Variants in FAM221A observed in about 807,000 individuals in gnomAD.
The protein encoded by FAM221A is family with sequence similarity 221 member A, also known as protein FAM221A.
Under a neutral mutation model 37.6 loss-of-function variants are expected in FAM221A, and 43 were observed. The ratio of observed to expected loss-of-function variants is 1.15; its 90% CI spans 0.90 to 1.48. The LOEUF (loss-of-function observed/expected upper bound fraction) is 1.48, where lower values mean the gene tolerates loss of function less well. Among genes scored for constraint, FAM221A ranks in the 40% most tolerant of loss-of-function variants. FAM221A has a pLI of 0.00. For missense variants in FAM221A, 361 were observed against 361.5 expected (o/e 1.00, Z 0.01); for synonymous variants, 135 against 132.9 (o/e 1.02, Z -0.11).
At chr7:23,684,783 T>C in intron 2 of FAM221A, 111 bp downstream of exon 2, 1 of 1,011,050 alleles carries the variant, frequency 9.9e-7, no homozygotes, top group Non-Finnish European at 1.4e-6. Context: ...GTCCTTTATA[T>C]AGTAGAGTAG....
At chr7:23,690,270 T>G (rs919587704) in intron 3 of FAM221A, among the ~76,000 whole-genome samples, 2 of 148,838 alleles carry the variant, frequency 1.3e-5, no homozygotes, top group East Asian at 4.0e-4. Flanking sequence ...AGTGGTATGA[T>G]CTTGGCTCAC....
At position 23,692,633 on chromosome 7, in the gene FAM221A, C is replaced by T. The variant is rs530021199; in HGVS notation, c.637+1037C>T. 222 of 983,904 alleles carry T rather than the reference C, an allele frequency of 2.3e-4. No homozygotes were observed. In the African/African-American group the frequency reaches 2.8e-3, roughly 13 times the overall value. 60.9% of individuals were successfully genotyped at this position (983,904 alleles called of 1,614,324 possible). A position where few individuals can be genotyped will look rare whatever the true frequency, so the allele number is the denominator to read the frequency against. ...CTGGGATTACAGGCTTCAGCCACCA[C>T]GCCAGGCCCATACGAGTATATATTT... On this transcript the variant is annotated intron_variant, in intron 4 of 6. Transcript: ENST00000344962.
At chr7:23,684,403 G>T in intron 1 of FAM221A, 96 bp from the exon 2 acceptor site, 2 of 686,058 alleles carry the variant, frequency 2.9e-6, no homozygotes, top group Non-Finnish European at 2.2e-6. Context: ...CAAAATAAAA[G>T]CTTACAAATT....
In FAM221A at chr7:23,691,558, T is replaced by C. The variant is rs779694306; in HGVS notation, c.599T>C (p.Leu200Pro). ...AMGGLTGFSS[L>P]AEGYMRLDDS... ...GGAGGATTAACTGGTTTCAGCTCGCTGGCGGAAGGCTACATGCGGTTAGAT... is the reference window on the plus strand; with the variant it reads ...GGAGGATTAACTGGTTTCAGCTCGCCGGCGGAAGGCTACATGCGGTTAGAT... Residue 200 changes from leucine (L) to proline (P), a missense_variant, in exon 4 of 7, where the codon CTG becomes CCG. Physicochemically the swap from Leu to Pro is moderately conservative, Grantham distance 98 (BLOSUM62 -3). Coordinates refer to ENST00000344962, the MANE Select transcript of FAM221A (RefSeq NM_199136.5). 6.2e-7 allele frequency: 1 copy of C among 1,614,200 alleles called. No homozygotes were observed. Among genetic ancestry groups the C allele is most frequent in the Non-Finnish European group, 8.5e-7 (1 of 1,180,034 alleles).
Position 23,702,373 on chromosome 7 carries a change from C to T in FAM221A, c.*209C>T, listed in dbSNP as rs1302254641. 6.2e-6 allele frequency: 2 copies of T among 323,820 alleles called. No individual in the cohort carries two copies. The highest frequency in any genetic ancestry group is 1.1e-5 in the Non-Finnish European group (2 of 175,712). 20.1% of individuals were successfully genotyped at this position (323,820 alleles called of 1,614,324 possible). ...AATTTACTACTTTGTATGTACCTTT[C>T]TTTCTCCTGACAAATGAGGTTATTT... On this transcript the variant is annotated 3_prime_UTR_variant, in exon 7 of 7. Transcript: ENST00000344962.
In FAM221A at chr7:23,702,577, CATTA is replaced by C. The variant is rs1314893625; in HGVS notation, c.*417_*420del. ...AACAAAAGAAAAAAATAGTTAAAAT[CATTA>C]ATTTTTTTATTTTTCAAACTTTGTA... On this transcript the variant is annotated 3_prime_UTR_variant, in exon 7 of 7. Coordinates refer to ENST00000344962, the MANE Select transcript of FAM221A (RefSeq NM_199136.5). 1 of 152,346 alleles carries C rather than the reference CATTA, an allele frequency of 6.6e-6. No homozygotes were observed. The highest frequency in any genetic ancestry group is 6.5e-5 in the Admixed American group (1 of 15,274). The allele number at this position is 152,346 out of a possible 1,614,324, so 9.4% of individuals were successfully genotyped here. A position where few individuals can be genotyped will look rare whatever the true frequency, so the allele number is the denominator to read the frequency against.
At chr7:23,689,543 A>G in intron 3 of FAM221A, 84 bp downstream of exon 3, 1 of 1,014,254 alleles carries the variant, frequency 9.9e-7, no homozygotes, top group Non-Finnish European at 1.4e-6. Context: ...TACTGGTTGT[A>G]GAGTTAATAT....
At position 23,684,331 on chromosome 7, in the gene FAM221A, C is replaced by T. The variant is rs1784237972; in HGVS notation, c.66-168C>T. Among the ~76,000 whole-genome samples the T allele has an allele frequency of 1.3e-5, 2 of 152,188 alleles. 1 individual carries two copies. The highest frequency in any genetic ancestry group is 4.1e-4 in the South Asian group (2 of 4,830). On this transcript the variant is annotated intron_variant, in intron 1 of 6. Transcript: ENST00000344962. ...TTAATATTTAACTTAACCACTCAGT[C>T]AGTGCTGAAACAGTTGTTACAGAGA... is the stretch of plus-strand genomic sequence containing the variant.
intron 2 of FAM221A, among the ~76,000 whole-genome samples, chr7:23,685,199 G>A (rs2128036546): frequency 6.6e-6 from 1 of 152,266 alleles, no homozygotes; most frequent in East Asian, 1.9e-4. Context: ...AGTGAGCTGA[G>A]ATCACGCCAC....
At chr7:23,691,284 A>G (rs1019516614) in intron 3 of FAM221A, 106 bp from the exon 4 acceptor site, 16 of 992,126 alleles carry the variant, frequency 1.6e-5, no homozygotes, top group Admixed American at 3.9e-5. Flanking sequence ...TAAGAGTTAC[A>G]GGGGCCAGAG....
At chr7:23,683,989 C>T (rs916341051) in intron 1 of FAM221A, among the ~76,000 whole-genome samples, 1 of 152,130 alleles carries the variant, frequency 6.6e-6, no homozygotes, top group African/African-American at 2.4e-5. Context: ...GATCTGAGTC[C>T]TGAAGACCTT....
chr7:23,692,281 C>T, intron 4 of FAM221A: 3 of 697,592 alleles, frequency 4.3e-6, no homozygotes, highest in Non-Finnish European at 5.3e-6. Context: ...TTCTTTTTTA[C>T]AACAAGCATG....
intron 3 of FAM221A, among the ~76,000 whole-genome samples, chr7:23,690,193 A>ATT (rs1188163263): frequency 1.9e-4 from 9 of 46,538 alleles, no homozygotes; most frequent in African/African-American, 5.6e-4. Context: ...ATATATATAT[A>ATT]TATATATTTT....
chr7:23,685,256 GCAAAACAAAACAAAACAAAACAAAA>G lies in FAM221A; in HGVS notation c.239+611_239+635del, dbSNP rs58823921. Among the ~76,000 whole-genome samples, 212 of 148,858 alleles carry G rather than the reference GCAAAACAAAACAAAACAAAACAAAA, an allele frequency of 1.4e-3. 2 individuals carry two copies. Among genetic ancestry groups the G allele is most frequent in the Non-Finnish European group, 2.7e-3 (182 of 67,064 alleles). ...GTGTGAGACTCTGTCTCAAAACAAAGCAAAACAAAACAAAACAAAACAAAACAAAACAAAACAAAACAAAACAAAA... is the reference window on the plus strand; with the variant it reads ...GTGTGAGACTCTGTCTCAAAACAAAGCAAAACAAAACAAAACAAAACAAAA... On this transcript the variant is annotated intron_variant, in intron 2 of 6. Coordinates refer to ENST00000344962, the MANE Select transcript of FAM221A (RefSeq NM_199136.5).
chr7:23,686,332 T>C (rs1207479879), intron 2 of FAM221A: 4 of 424,684 alleles, frequency 9.4e-6, no homozygotes, highest in Non-Finnish European at 1.9e-5. Context: ...GGCACGATCT[T>C]GGCTCATTGC....
chr7:23,695,877 T>A lies in FAM221A; in HGVS notation c.638-2315T>A, dbSNP rs757001802. ...TTTCCAATATTTGTGACTCTTCTTA[T>A]TCTTGACTAGTCAAAATGGCTAGTA... is the stretch of plus-strand genomic sequence containing the variant. On this transcript the variant is annotated intron_variant, in intron 4 of 6. Transcript: ENST00000344962. Among the ~76,000 whole-genome samples, 119 of 152,248 alleles carry A rather than the reference T, an allele frequency of 7.8e-4. 2 individuals are homozygous for A. The highest frequency in any genetic ancestry group is 2.2e-4 in the Non-Finnish European group (15 of 68,048).
intron 1 of FAM221A, among the ~76,000 whole-genome samples, chr7:23,681,766 C>T (rs1584244806): frequency 6.6e-6 from 1 of 152,290 alleles, no homozygotes; most frequent in East Asian, 1.9e-4. Context: ...AAGAGATTAT[C>T]AGGTCCTTTA....
chr7:23,699,328 C>G (rs1785258348), intron 5 of FAM221A, among the ~76,000 whole-genome samples: 1 of 151,414 alleles, frequency 6.6e-6, no homozygotes, highest in South Asian at 2.1e-4. Flanking sequence ...GCTATGTTGA[C>G]TAGGCTGGTC....
rs145904891 is a variant in FAM221A, at chr7:23,702,368, CCTTT to C, written c.*211_*214del. The C allele has an allele frequency of 3.8e-3, 1,305 of 339,544 alleles. 15 individuals carry two copies. Among genetic ancestry groups the C allele is most frequent in the African/African-American group, 0.026 (1,197 of 46,594 alleles). 21.0% of individuals were successfully genotyped at this position (339,544 alleles called of 1,614,324 possible). On this transcript the variant is annotated 3_prime_UTR_variant, in exon 7 of 7. Coordinates refer to ENST00000344962, the MANE Select transcript of FAM221A (RefSeq NM_199136.5). ...CTCATAATTTACTACTTTGTATGTA[CCTTT>C]CTTTCTCCTGACAAATGAGGTTATT...
Sources: allele counts gnomAD v4.1 joint callset (sites outside exome capture counted in the v4.1 genomes callset), GRCh38; gene constraint gnomAD v4.1.1; transcripts MANE v1.5; gene names NCBI Gene and HGNC (gene_info 2026-07-23, HGNC 2026-07-21).